Variants in CREB5 observed in about 807,000 individuals in gnomAD.
CREB5 encodes cyclic AMP-responsive element-binding protein 5.
CREB5 carries 19 observed loss-of-function variants against 57.1 expected under a neutral mutation model. The observed-to-expected ratio is 0.33, with a 90% CI of 0.23 to 0.49. The LOEUF is 0.49. Among genes scored for constraint, CREB5 ranks in the 20% least tolerant of loss-of-function variants. The pLI is 0.99. For missense variants in CREB5, 579 were observed against 671.6 expected (o/e 0.86, Z 1.52); for synonymous variants, 238 against 238.3 (o/e 1.00, Z 0.01).
At chr7:28,686,593 C>G (rs1016826569) in intron 5 of CREB5, among the ~76,000 whole-genome samples, 3 of 151,980 alleles carry the variant, frequency 2.0e-5, no homozygotes, top group African/African-American at 7.3e-5. Context: ...CGGTGTCGCT[C>G]CTAATCGGAG....
At position 28,561,375 on chromosome 7, in the gene CREB5, C is replaced by T. The variant is rs73301156; in HGVS notation, c.292-8990C>T. The stretch of plus-strand genomic sequence containing the variant: ...AGTGTGTGTGGGATAAGGTGGAGGA[C>T]CAAGGAGTAGTTAGCTGATACTATC... On this transcript the variant is annotated intron_variant, in intron 4 of 10. Transcript: ENST00000357727. 6.2e-4 allele frequency among the ~76,000 whole-genome samples: 95 copies of T among 152,086 alleles called. 1 individual carries two copies. Among genetic ancestry groups the T allele is most frequent in the African/African-American group, 2.2e-3 (93 of 41,480 alleles).
intron 1 of CREB5, among the ~76,000 whole-genome samples, chr7:28,310,801 C>G (rs1785262052): frequency 6.6e-6 from 1 of 152,118 alleles, no homozygotes; most frequent in African/African-American, 2.4e-5. Flanking sequence ...CTGAATTATG[C>G]AGACATTAAA....
intron 4 of CREB5, chr7:28,513,446 A>T (rs1182105136): frequency 1.3e-5 from 2 of 150,550 alleles, no homozygotes; most frequent in Non-Finnish European, 3.0e-5. Context: ...TGATCTTTTC[A>T]TTTTTTTTTT....
chr7:28,421,315 A>G (rs772660818), intron 1 of CREB5, among the ~76,000 whole-genome samples: 2 of 152,190 alleles, frequency 1.3e-5, no homozygotes, highest in Non-Finnish European at 2.9e-5. Context: ...CTACAAAAAC[A>G]TGATTTCATT....
intron 1 of CREB5, among the ~76,000 whole-genome samples, chr7:28,400,894 C>T (rs1787447900): frequency 6.6e-6 from 1 of 152,080 alleles, no homozygotes; most frequent in African/African-American, 2.4e-5. Flanking sequence ...AGATGATGCT[C>T]AATATTAATT....
At chr7:28,510,132 C>T (rs1792643149) in intron 4 of CREB5, among the ~76,000 whole-genome samples, 1 of 152,172 alleles carries the variant, frequency 6.6e-6, no homozygotes, top group South Asian at 2.1e-4. Flanking sequence ...TAATGCTCCC[C>T]CGCCTGACAA....
intron 7 of CREB5, among the ~76,000 whole-genome samples, chr7:28,774,117 A>G (rs921004889): frequency 6.6e-6 from 1 of 152,290 alleles, no homozygotes; most frequent in African/African-American, 2.4e-5. Context: ...GGTCACCAGT[A>G]TGAGTTATTT....
At chr7:28,634,358 G>A (rs1424345690) in intron 5 of CREB5, among the ~76,000 whole-genome samples, 2 of 152,160 alleles carry the variant, frequency 1.3e-5, no homozygotes, top group African/African-American at 2.4e-5. Context: ...TTTTTAATGG[G>A]AAGGGTAAAT....
chr7:28,665,583 T>C (rs1185519328), intron 5 of CREB5, among the ~76,000 whole-genome samples: 7 of 152,064 alleles, frequency 4.6e-5, no homozygotes, highest in African/African-American at 1.7e-4. Flanking sequence ...TATAAGAAAG[T>C]AGGGGGAAAA....
chr7:28,543,452 T>C (rs1456959182), intron 4 of CREB5, among the ~76,000 whole-genome samples: 1 of 152,148 alleles, frequency 6.6e-6, no homozygotes, highest in Non-Finnish European at 1.5e-5. Context: ...TTGCCCAATG[T>C]CTTTTTAAAA....
intron 5 of CREB5, among the ~76,000 whole-genome samples, chr7:28,619,385 T>C (rs919268632): frequency 2.6e-5 from 4 of 152,236 alleles, no homozygotes; most frequent in Middle Eastern, 3.2e-3. Flanking sequence ...TGGCAAATGT[T>C]TCTGCTGGAC....
chr7:28,528,213 C>G (rs1793529149), intron 4 of CREB5, among the ~76,000 whole-genome samples: 1 of 152,188 alleles, frequency 6.6e-6, no homozygotes, highest in Admixed American at 6.5e-5. Context: ...ACTTGGGGCC[C>G]ATCGCTTCTA....
rs182476663 is a variant in CREB5 at position 28,682,687 on chromosome 7, G to T, written c.465-36066G>T. ...AATAAATTCAAACCTAAAAGTGGGG[G>T]GGGGGGGAAACCCCAGCTCTCTCTA... On this transcript the variant is annotated intron_variant, in intron 5 of 10. Coordinates refer to ENST00000357727, the MANE Select transcript of CREB5 (RefSeq NM_182898.4). Among the ~76,000 whole-genome samples the T allele has an allele frequency of 9.8e-4, 145 of 147,752 alleles. 1 individual carries two copies. Among genetic ancestry groups the T allele is most frequent in the African/African-American group, 2.8e-3 (114 of 40,240 alleles).
chr7:28,447,609 A>G (rs1789549175), intron 1 of CREB5, among the ~76,000 whole-genome samples: 1 of 152,090 alleles, frequency 6.6e-6, no homozygotes, highest in African/African-American at 2.4e-5. Context: ...CTACACATGC[A>G]CCTGCTAGGG....
intron 4 of CREB5, among the ~76,000 whole-genome samples, chr7:28,535,946 G>C (rs1793950431): frequency 6.6e-6 from 1 of 152,158 alleles, no homozygotes; most frequent in Non-Finnish European, 1.5e-5. Context: ...AGAGAAAACT[G>C]TGTTACAACT....
At chr7:28,504,770 T>C (rs748053590) in intron 3 of CREB5, among the ~76,000 whole-genome samples, 2 of 152,186 alleles carry the variant, frequency 1.3e-5, no homozygotes, top group Non-Finnish European at 2.9e-5. Context: ...GAGTAGGAAC[T>C]GTTACCCACT....
At chr7:28,589,838 G>A (rs1463549179) in intron 5 of CREB5, among the ~76,000 whole-genome samples, 1 of 152,128 alleles carries the variant, frequency 6.6e-6, no homozygotes, top group African/African-American at 2.4e-5. Context: ...GGAGAGAAAA[G>A]GGCTGTGTGA....
intron 1 of CREB5, among the ~76,000 whole-genome samples, chr7:28,457,140 A>G (rs1790129905): frequency 6.6e-6 from 1 of 152,178 alleles, no homozygotes; most frequent in Non-Finnish European, 1.5e-5. Flanking sequence ...CACGACCACT[A>G]ACCCACTTCT....
chr7:28,638,296 A>ACAC (rs1798508769), intron 5 of CREB5, among the ~76,000 whole-genome samples: 1 of 102,320 alleles, frequency 9.8e-6, no homozygotes. Flanking sequence ...CACACACACG[A>ACAC]ACACACACAC....
Sources: allele counts gnomAD v4.1 joint callset (sites outside exome capture counted in the v4.1 genomes callset), GRCh38; gene constraint gnomAD v4.1.1; transcripts MANE v1.5; gene names NCBI Gene and HGNC (gene_info 2026-07-23, HGNC 2026-07-21).